Variants in CHST11 observed in about 807,000 individuals in gnomAD.
CHST11 encodes the protein C4S-1.
Under a neutral mutation model 30.4 loss-of-function variants are expected in CHST11, and 9 were observed. The ratio of observed to expected loss-of-function variants is 0.30; its 90% CI spans 0.18 to 0.52. The LOEUF is 0.52. Among genes scored for constraint, CHST11 ranks in the 20% least tolerant of loss-of-function variants. CHST11 has a pLI of 0.97. For missense variants in CHST11, 348 were observed against 460.6 expected (o/e 0.76, Z 2.24); for synonymous variants, 152 against 187.8 (o/e 0.81, Z 1.56).
At chr12:104,606,180 G>A (rs972796002) in intron 2 of CHST11, among the ~76,000 whole-genome samples, 1 of 135,470 alleles carries the variant, frequency 7.4e-6, no homozygotes, top group Non-Finnish European at 1.6e-5. Flanking sequence ...GGGGGCGGGG[G>A]GGGGAATGGC....
intron 1 of CHST11, among the ~76,000 whole-genome samples, chr12:104,511,274 G>A (rs1044829079): frequency 6.6e-6 from 1 of 152,168 alleles, no homozygotes; most frequent in Non-Finnish European, 1.5e-5. Context: ...CTTCAGGCAA[G>A]CAGGGACTTC....
intron 1 of CHST11, among the ~76,000 whole-genome samples, chr12:104,516,765 T>C (rs567483577): frequency 3.9e-5 from 6 of 152,042 alleles, no homozygotes; most frequent in Non-Finnish European, 5.9e-5. Flanking sequence ...CATGCCTTGC[T>C]GTAAAGAGGA....
At chr12:104,684,690 G>C (rs2136104310) in intron 2 of CHST11, among the ~76,000 whole-genome samples, 4 of 152,198 alleles carry the variant, frequency 2.6e-5, no homozygotes, top group Middle Eastern at 3.4e-3. Context: ...TGGGATTACA[G>C]GCATGCACTA....
chr12:104,556,210 G>A (rs758264222), intron 1 of CHST11, among the ~76,000 whole-genome samples: 2 of 147,378 alleles, frequency 1.4e-5, no homozygotes, highest in Non-Finnish European at 2.9e-5. Context: ...GATGGTGTGG[G>A]GCCCTGTGGG....
chr12:104,702,540 T>A (rs904081194), intron 2 of CHST11, among the ~76,000 whole-genome samples: 1 of 151,468 alleles, frequency 6.6e-6, no homozygotes, highest in Non-Finnish European at 1.5e-5. Flanking sequence ...TCTGTGATGT[T>A]GACTGATGGG....
At chr12:104,580,240 G>T (rs1387875106) in intron 1 of CHST11, among the ~76,000 whole-genome samples, 4 of 152,178 alleles carry the variant, frequency 2.6e-5, no homozygotes, top group African/African-American at 9.7e-5. Flanking sequence ...TTGAGCTGGA[G>T]TACGAAAGGA....
chr12:104,599,142 G>T (rs760505442), intron 1 of CHST11, among the ~76,000 whole-genome samples: 5 of 152,184 alleles, frequency 3.3e-5, no homozygotes, highest in Non-Finnish European at 7.4e-5. Flanking sequence ...GGCACACAAG[G>T]CCCCTTTAGC....
At chr12:104,653,380 T>C (rs1243547014) in intron 2 of CHST11, among the ~76,000 whole-genome samples, 1 of 152,200 alleles carries the variant, frequency 6.6e-6, no homozygotes, top group Non-Finnish European at 1.5e-5. Context: ...GTTTTCTTTC[T>C]CCATTCATCT....
intron 1 of CHST11, among the ~76,000 whole-genome samples, chr12:104,566,878 C>G (rs1423044117): frequency 6.6e-6 from 1 of 151,650 alleles, no homozygotes; most frequent in Non-Finnish European, 1.5e-5. Flanking sequence ...AGTGCCTGAG[C>G]CTGAGAAAAT....
intron 2 of CHST11, among the ~76,000 whole-genome samples, chr12:104,734,834 C>T (rs1012835982): frequency 6.6e-6 from 1 of 152,140 alleles, no homozygotes; most frequent in African/African-American, 2.4e-5. Context: ...ATATGGAGAT[C>T]CAGAGGAGGA....
At chr12:104,687,784 CAA>C (rs1226130780) in intron 2 of CHST11, among the ~76,000 whole-genome samples, 1 of 152,128 alleles carries the variant, frequency 6.6e-6, no homozygotes, top group African/African-American at 2.4e-5. Context: ...CCGCCCCCCC[CAA>C]AATTTTTTTT....
intron 2 of CHST11, among the ~76,000 whole-genome samples, chr12:104,708,232 A>G (rs1469590631): frequency 6.6e-6 from 1 of 152,228 alleles, no homozygotes; most frequent in African/African-American, 2.4e-5. Context: ...TCAAATCTCC[A>G]CAGAGTGACT....
chr12:104,697,251 G>A (rs1202792394), intron 2 of CHST11, among the ~76,000 whole-genome samples: 1 of 152,194 alleles, frequency 6.6e-6, no homozygotes, highest in Non-Finnish European at 1.5e-5. Context: ...ACTGGATTAA[G>A]GGATGCCCAG....
intron 2 of CHST11, among the ~76,000 whole-genome samples, chr12:104,699,733 T>C (rs765932993): frequency 1.3e-5 from 2 of 152,256 alleles, no homozygotes; most frequent in Non-Finnish European, 2.9e-5. Flanking sequence ...GCAGAGTAAC[T>C]GGAGCCCTTT....
chr12:104,514,960 G>A (rs141143541), intron 1 of CHST11, among the ~76,000 whole-genome samples: 5 of 152,296 alleles, frequency 3.3e-5, no homozygotes, highest in East Asian at 1.9e-4. Flanking sequence ...TGTTAGGGTC[G>A]TTCTGAGGAT....
In CHST11 at chr12:104,756,922, C is replaced by G. The variant is rs781345035; in HGVS notation, c.205-27C>G. On this transcript the variant is annotated intron_variant, in intron 2 of 2. Transcript: ENST00000303694. Reference sequence around the variant, plus strand: ...AAATGTTTCAGGCAAGTACTGAGTTCTTATTCGTCTTGTGTCTCCTCTGCA... The same window carrying G: ...AAATGTTTCAGGCAAGTACTGAGTTGTTATTCGTCTTGTGTCTCCTCTGCA... The G allele has an allele frequency of 2.5e-6, 4 of 1,593,526 alleles. No individual in the cohort carries two copies. In the South Asian group the frequency reaches 3.4e-5, roughly 13 times the overall value.
intron 2 of CHST11, among the ~76,000 whole-genome samples, chr12:104,699,648 C>T (rs1261135793): frequency 1.3e-5 from 2 of 152,210 alleles, no homozygotes; most frequent in African/African-American, 4.8e-5. Flanking sequence ...GAGGTTGACG[C>T]ATAACACGTG....
chr12:104,650,202 T>C (rs1051752373), intron 2 of CHST11, among the ~76,000 whole-genome samples: 2 of 152,232 alleles, frequency 1.3e-5, no homozygotes, highest in African/African-American at 4.8e-5. Context: ...CTATATCCTT[T>C]GGATGCTTCC....
At position 104,623,667 on chromosome 12, in the gene CHST11, G is replaced by A. The variant is rs553796592; in HGVS notation, c.204+21676G>A. 5.8e-3 allele frequency among the ~76,000 whole-genome samples: 876 copies of A among 151,818 alleles called. 9 individuals carry two copies. Among genetic ancestry groups the A allele is most frequent in the Non-Finnish European group, 7.3e-3 (494 of 67,960 alleles). Reference sequence around the variant, plus strand: ...AGAGGTTGCGGTGAGCCGAGATCGCGCCACTGTCACCCAGCCGAGATCGCC... The same window carrying A: ...AGAGGTTGCGGTGAGCCGAGATCGCACCACTGTCACCCAGCCGAGATCGCC... On this transcript the variant is annotated intron_variant, in intron 2 of 2. Transcript: ENST00000303694.
Sources: allele counts gnomAD v4.1 joint callset (sites outside exome capture counted in the v4.1 genomes callset), GRCh38; gene constraint gnomAD v4.1.1; transcripts MANE v1.5; gene names NCBI Gene and HGNC (gene_info 2026-07-23, HGNC 2026-07-21).